The following CFDP1 variants were observed in gnomAD, a reference collection of about 807,000 sequenced individuals.
The protein encoded by CFDP1 is chromatin remodeling protein CFDP1.
In CFDP1, 31 loss-of-function variants were observed where a neutral mutation model predicts 40.1. That is an observed-to-expected ratio of 0.77 (90% CI 0.58 to 1.04). The LOEUF is 1.04. Ranked by LOEUF, CFDP1 falls within the 50% of genes least tolerant of loss-of-function variation. The pLI is 0.00. For synonymous variants in CFDP1, 167 were observed against 120.0 expected (o/e 1.39, Z -2.56); for missense variants, 423 against 343.4 (o/e 1.23, Z -1.83).
intron 5 of CFDP1, among the ~76,000 whole-genome samples, chr16:75,393,164 C>G (rs1197430974): frequency 6.6e-6 from 1 of 152,182 alleles, no homozygotes; most frequent in East Asian, 1.9e-4. Flanking sequence ...ACATCCCACT[C>G]TCCTCAGCCC....
intron 2 of CFDP1, among the ~76,000 whole-genome samples, chr16:75,413,227 C>A (rs1200687618): frequency 6.6e-6 from 1 of 152,154 alleles, no homozygotes. Flanking sequence ...AGAAAAAAAT[C>A]CATGTTTCTT....
chr16:75,426,835 AC>A (rs1417570292), intron 1 of CFDP1, among the ~76,000 whole-genome samples: 2 of 152,130 alleles, frequency 1.3e-5, no homozygotes, highest in Non-Finnish European at 2.9e-5. Flanking sequence ...TGGGTGGATC[AC>A]TTGAGGTTGG....
chr16:75,402,047 G>C (rs535375033), intron 4 of CFDP1, among the ~76,000 whole-genome samples: 18 of 152,098 alleles, frequency 1.2e-4, no homozygotes, highest in Non-Finnish European at 2.4e-4. Flanking sequence ...GGAAACACTG[G>C]TATATTTATC....
intron 4 of CFDP1, among the ~76,000 whole-genome samples, chr16:75,401,428 CAA>C (rs35178768): frequency 7.6e-4 from 70 of 92,442 alleles, no homozygotes; most frequent in East Asian, 2.2e-3. Flanking sequence ...GACTCCGTCT[CAA>C]AAAAAAAAAA....
At position 75,293,946 on chromosome 16, in the gene CFDP1, G is replaced by A. The variant is rs754850873; in HGVS notation, c.*6C>T. On this transcript the variant is annotated 3_prime_UTR_variant, in exon 7 of 7. Transcript: ENST00000283882. Reference sequence around the variant, plus strand: ...GATTAAGCTGCTCTTGATTTAGCCCGTAACATCAAGGTTTCATTTTGCTCA... The same window carrying A: ...GATTAAGCTGCTCTTGATTTAGCCCATAACATCAAGGTTTCATTTTGCTCA... 1.1e-5 allele frequency: 18 copies of A among 1,611,976 alleles called. No individual in the cohort carries two copies. Among genetic ancestry groups the A allele is most frequent in the South Asian group, 4.4e-5 (4 of 91,046 alleles).
intron 6 of CFDP1, among the ~76,000 whole-genome samples, chr16:75,304,196 G>A (rs2078242712): frequency 6.6e-6 from 1 of 152,072 alleles, no homozygotes; most frequent in Non-Finnish European, 1.5e-5. Flanking sequence ...AGCCTCCCAA[G>A]TAGCTGGGAT....
At chr16:75,380,369 G>A (rs1042999105) in intron 5 of CFDP1, among the ~76,000 whole-genome samples, 1 of 152,112 alleles carries the variant, frequency 6.6e-6, no homozygotes, top group African/African-American at 2.4e-5. Context: ...CCACAGTAGA[G>A]CACATGAGCT....
intron 4 of CFDP1, among the ~76,000 whole-genome samples, chr16:75,404,886 G>A (rs747522645): frequency 6.6e-6 from 1 of 152,184 alleles, no homozygotes; most frequent in Non-Finnish European, 1.5e-5. Context: ...TAGCGCGCTG[G>A]ACTTCTAGAC....
chr16:75,431,113 C>T (rs780318851), intron 1 of CFDP1, among the ~76,000 whole-genome samples: 4 of 151,884 alleles, frequency 2.6e-5, no homozygotes, highest in East Asian at 3.9e-4. Flanking sequence ...GTATAACATA[C>T]GGTTCAGCTG....
intron 5 of CFDP1, among the ~76,000 whole-genome samples, chr16:75,329,149 C>A (rs2078426722): frequency 6.6e-6 from 1 of 151,892 alleles, no homozygotes; most frequent in African/African-American, 2.4e-5. Flanking sequence ...CTGTGCCCGG[C>A]CAACTTTTGT....
chr16:75,347,761 C>A (rs2078580109), intron 5 of CFDP1, among the ~76,000 whole-genome samples: 1 of 152,168 alleles, frequency 6.6e-6, no homozygotes. Context: ...CAAACTCCAT[C>A]TTGACCAAAT....
At chr16:75,397,075 A>G (rs910189322) in intron 4 of CFDP1, among the ~76,000 whole-genome samples, 112 of 151,420 alleles carry the variant, frequency 7.4e-4, no homozygotes, top group African/African-American at 2.2e-3. Context: ...CACCACGCCC[A>G]GCTAATTTTT....
chr16:75,353,566 G>A (rs1295221811), intron 5 of CFDP1, among the ~76,000 whole-genome samples: 5 of 151,658 alleles, frequency 3.3e-5, no homozygotes, highest in Admixed American at 6.6e-5. Context: ...TCGAGACCAT[G>A]GTGAAACCCC....
chr16:75,416,753 A>G (rs2079210776), intron 1 of CFDP1, among the ~76,000 whole-genome samples: 2 of 152,110 alleles, frequency 1.3e-5, no homozygotes. Flanking sequence ...GTCTCAAAAA[A>G]ATAAATACAT....
rs544287969 is a variant in CFDP1 at position 75,335,369 on chromosome 16, G to GA, written c.651-30188dup. On this transcript the variant is annotated intron_variant, in intron 5 of 6. Coordinates refer to ENST00000283882, the MANE Select transcript of CFDP1 (RefSeq NM_006324.3). ...CAAAATGATCAAAAAAGGACACACTGAAAAAAATCTCCCACCCTTTTCCCT... is the reference window on the plus strand; with the variant it reads ...CAAAATGATCAAAAAAGGACACACTGAAAAAAAATCTCCCACCCTTTTCCCT... Among the ~76,000 whole-genome samples, 103 of 152,132 alleles carry GA rather than the reference G, an allele frequency of 6.8e-4. 2 individuals carry two copies. In the East Asian group the frequency reaches 0.012, roughly 18 times the overall value.
At chr16:75,351,845 T>G (rs1489080880) in intron 5 of CFDP1, among the ~76,000 whole-genome samples, 1 of 142,986 alleles carries the variant, frequency 7.0e-6, no homozygotes, top group African/African-American at 2.6e-5. Flanking sequence ...CCGTCCCTAT[T>G]AAAAATACAA....
intron 4 of CFDP1, among the ~76,000 whole-genome samples, chr16:75,410,055 CAAAAAAAAAAAAA>C (rs150987819): frequency 9.5e-4 from 50 of 52,550 alleles, no homozygotes; most frequent in African/African-American, 3.3e-3. Context: ...GACCCTTTCT[CAAAAAAAAAAAAA>C]AAAAAAAAAA....
intron 1 of CFDP1, among the ~76,000 whole-genome samples, chr16:75,421,932 C>T (rs955920888): frequency 1.3e-5 from 2 of 152,162 alleles, no homozygotes; most frequent in Non-Finnish European, 2.9e-5. Context: ...TATGTACATC[C>T]TCTTGCATAC....
chr16:75,316,187 G>A (rs1298796606), intron 5 of CFDP1, among the ~76,000 whole-genome samples: 2 of 152,178 alleles, frequency 1.3e-5, no homozygotes, highest in African/African-American at 4.8e-5. Context: ...GCCCATCCTG[G>A]CGATGCCAAG....
Sources: gnomAD v4.1 joint callset for allele counts (sites outside exome capture counted in the v4.1 genomes callset) on GRCh38, gnomAD v4.1.1 for gene constraint, MANE v1.5 for transcripts, NCBI Gene and HGNC (gene_info 2026-07-23, HGNC 2026-07-21) for gene names.